The following SORCS1 variants were observed in gnomAD, a reference collection of about 807,000 sequenced individuals.
SORCS1 encodes the protein VPS10 domain-containing receptor SorCS1.
SORCS1 carries 60 observed loss-of-function variants against 146.1 expected under a neutral mutation model. That is an observed-to-expected ratio of 0.41 (90% CI 0.33 to 0.51). The LOEUF (loss-of-function observed/expected upper bound fraction) is 0.51. Ranked by LOEUF, SORCS1 falls within the 20% of genes least tolerant of loss-of-function variation. SORCS1 has a pLI of 0.21. For synonymous variants in SORCS1, 637 were observed against 584.0 expected, an observed-to-expected ratio of 1.09 and a Z score of -1.31; for missense variants, 1,352 against 1,487.6, an observed-to-expected ratio of 0.91 and a Z score of 1.50.
intron 17 of SORCS1, among the ~76,000 whole-genome samples, chr10:106,653,084 G>C (rs1174091519): frequency 2.6e-5 from 4 of 152,174 alleles, no homozygotes; most frequent in Non-Finnish European, 5.9e-5. Context: ...TTTCTACTCA[G>C]TCTTTCATGA....
At chr10:106,634,945 A>G (rs1164882819) in intron 18 of SORCS1, among the ~76,000 whole-genome samples, 2 of 152,238 alleles carry the variant, frequency 1.3e-5, no homozygotes, top group African/African-American at 4.8e-5. Flanking sequence ...CTTTAGTCAC[A>G]TGTCCTAATA....
At chr10:106,769,831 A>C (rs1859872382) in intron 4 of SORCS1, among the ~76,000 whole-genome samples, 1 of 152,200 alleles carries the variant, frequency 6.6e-6, no homozygotes, top group Non-Finnish European at 1.5e-5. Flanking sequence ...CACAGGGCTC[A>C]CGCCTGTAAT....
Position 106,866,586 on chromosome 10 carries a change from A to G in SORCS1, c.627-36913T>C, listed in dbSNP as rs547672284. On this transcript the variant is annotated intron_variant, in intron 2 of 25. Coordinates refer to ENST00000263054, the MANE Select transcript of SORCS1 (RefSeq NM_052918.5). ...AAGCTGCGATCTGCAGCCAGAACTC[A>G]AGGGGGAGAAAAGCCCACACTTTCA... is the stretch of plus-strand genomic sequence containing the variant. Among the ~76,000 whole-genome samples the G allele has an allele frequency of 1.3e-5, 2 of 152,320 alleles. 1 individual carries two copies. Among genetic ancestry groups the G allele is most frequent in the East Asian group, 3.9e-4 (2 of 5,186 alleles).
At chr10:106,789,879 G>A (rs188873174) in intron 3 of SORCS1, among the ~76,000 whole-genome samples, 12 of 152,334 alleles carry the variant, frequency 7.9e-5, no homozygotes, top group East Asian at 1.9e-4. Context: ...ACAGTTCTGC[G>A]TGGCTGGGGA....
At position 107,116,974 on chromosome 10, in the gene SORCS1, A is replaced by T. The variant is rs1012610347; in HGVS notation, c.558+46995T>A. 2.6e-5 allele frequency among the ~76,000 whole-genome samples: 4 copies of T among 152,316 alleles called. No homozygotes were observed. The South Asian group carries it at 6.2e-4, about 24-fold the overall frequency. On this transcript the variant is annotated intron_variant, in intron 1 of 25. Transcript: ENST00000263054. ...CTATATACAAACCAATACACTAAAG[A>T]GTAACACAATTATTGTTGATATCCA...
In SORCS1 at chr10:106,699,211, T is replaced by C. The variant is rs1853940071; in HGVS notation, c.1413+3A>G. ...TTAGGACCACATATGCCTCGTGACA[T>C]ACCTCATAGAGGTCGATCATGATGT... On this transcript the variant is annotated splice_donor_region_variant and intron_variant, in intron 9 of 25. Transcript: ENST00000263054. 4 of 1,607,414 alleles carry C rather than the reference T, an allele frequency of 2.5e-6. No individual in the cohort carries two copies. The highest frequency in any genetic ancestry group is 3.4e-6 in the Non-Finnish European group (4 of 1,176,704).
chr10:106,969,676 G>C (rs901333012), intron 1 of SORCS1, among the ~76,000 whole-genome samples: 5 of 152,232 alleles, frequency 3.3e-5, no homozygotes, highest in Non-Finnish European at 7.3e-5. Context: ...TAGTGCCTTA[G>C]AGATAGACAT....
At chr10:106,645,304 G>C (rs1849348656) in intron 18 of SORCS1, among the ~76,000 whole-genome samples, 1 of 152,022 alleles carries the variant, frequency 6.6e-6, no homozygotes, top group East Asian at 1.9e-4. Context: ...AAGTAGCTGG[G>C]ACTACGGGCA....
chr10:107,136,535 G>A (rs1414699985), intron 1 of SORCS1, among the ~76,000 whole-genome samples: 3 of 151,986 alleles, frequency 2.0e-5, no homozygotes, highest in African/African-American at 7.3e-5. Context: ...GCTTAGAGAG[G>A]GAAAATGACT....
At chr10:106,631,147 C>A (rs763099390) in intron 18 of SORCS1, among the ~76,000 whole-genome samples, 43 of 152,168 alleles carry the variant, frequency 2.8e-4, no homozygotes, top group Non-Finnish European at 4.4e-4. Flanking sequence ...AGTTCAAATC[C>A]TATGAATCTG....
At chr10:107,039,493 A>C (rs970913202) in intron 1 of SORCS1, among the ~76,000 whole-genome samples, 1 of 152,176 alleles carries the variant, frequency 6.6e-6, no homozygotes, top group Non-Finnish European at 1.5e-5. Flanking sequence ...AGCCAAAGTC[A>C]CTTAAATGTT....
chr10:106,961,794 A>G (rs1955236443), intron 1 of SORCS1, among the ~76,000 whole-genome samples: 2 of 152,190 alleles, frequency 1.3e-5, no homozygotes, highest in African/African-American at 4.8e-5. Context: ...AGCCCACCCC[A>G]TAATTTGCAA....
intron 1 of SORCS1, among the ~76,000 whole-genome samples, chr10:106,985,449 G>A (rs967792708): frequency 6.6e-6 from 1 of 151,638 alleles, no homozygotes; most frequent in Non-Finnish European, 1.5e-5. Flanking sequence ...GAAAAGAATG[G>A]AAATAGGAAA....
chr10:106,859,250 G>A (rs941187074), intron 2 of SORCS1, among the ~76,000 whole-genome samples: 4 of 151,980 alleles, frequency 2.6e-5, no homozygotes, highest in Admixed American at 2.0e-4. Context: ...CAGATTCCCT[G>A]GCATTGTATC....
intron 4 of SORCS1, among the ~76,000 whole-genome samples, chr10:106,773,948 C>CA (rs201554993): frequency 0.051 from 7,312 of 143,760 alleles, 269 homozygotes; most frequent in East Asian, 0.11. Flanking sequence ...GACTCCATCT[C>CA]AAAAAAAAAA....
chr10:106,854,065 T>C (rs1181555835), intron 2 of SORCS1, among the ~76,000 whole-genome samples: 2 of 152,042 alleles, frequency 1.3e-5, no homozygotes, highest in Non-Finnish European at 2.9e-5. Context: ...TCTCCAATTA[T>C]AATAATGACT....
chr10:106,938,005 G>A (rs1040108279), intron 2 of SORCS1, among the ~76,000 whole-genome samples: 1 of 151,312 alleles, frequency 6.6e-6, no homozygotes, highest in African/African-American at 2.4e-5. Context: ...GAAAGGAAGT[G>A]GTCTAATACA....
rs80037165 is a variant in SORCS1 at position 106,643,927 on chromosome 10, CT to C, written c.2475+8454del. ...GTGTTCTTAGAAACGGAAAAACTTT[CT>C]GAACTCTGCTATAGTATAAACATCT... On this transcript the variant is annotated intron_variant, in intron 18 of 25. Coordinates refer to ENST00000263054, the MANE Select transcript of SORCS1 (RefSeq NM_052918.5). Among the ~76,000 whole-genome samples, 257 of 152,286 alleles carry C rather than the reference CT, an allele frequency of 1.7e-3. 2 individuals are homozygous for C. In the East Asian group the frequency reaches 0.039, roughly 23 times the overall value.
intron 1 of SORCS1, among the ~76,000 whole-genome samples, chr10:107,087,147 C>T (rs1316745149): frequency 6.6e-6 from 1 of 152,154 alleles, no homozygotes; most frequent in Non-Finnish European, 1.5e-5. Context: ...TACTTTAAGT[C>T]CGTCTTGGGG....
Sources: gnomAD v4.1 joint callset for allele counts (sites outside exome capture counted in the v4.1 genomes callset) on GRCh38, gnomAD v4.1.1 for gene constraint, MANE v1.5 for transcripts, NCBI Gene and HGNC (gene_info 2026-07-23, HGNC 2026-07-21) for gene names.